DTD1: variants seen among roughly 807,000 people sequenced by gnomAD.
The protein encoded by DTD1 is D-aminoacyl-tRNA deacylase 1.
A neutral mutation model predicts 25.6 loss-of-function variants in DTD1; 13 were observed. The ratio of observed to expected loss-of-function variants is 0.51; its 90% CI spans 0.33 to 0.81. The LOEUF is 0.81. Ranked by LOEUF, DTD1 falls within the 30% of genes least tolerant of loss-of-function variation. The pLI is 0.02. For missense variants in DTD1, 193 were observed against 266.4 expected, an observed-to-expected ratio of 0.72 and a Z score of 1.92; for synonymous variants, 110 against 103.6, an observed-to-expected ratio of 1.06 and a Z score of -0.37.
chr20:18,634,079 A>G (rs2060798345), intron 4 of DTD1, among the ~76,000 whole-genome samples: 1 of 152,260 alleles, frequency 6.6e-6, no homozygotes, highest in Admixed American at 6.5e-5. Flanking sequence ...CATTTTTTGC[A>G]GGAGAACACG....
intron 4 of DTD1, among the ~76,000 whole-genome samples, chr20:18,713,661 G>T (rs1177874155): frequency 1.3e-5 from 2 of 152,084 alleles, no homozygotes; most frequent in Non-Finnish European, 2.9e-5. Flanking sequence ...GTTTTTTTCT[G>T]CATTGGTCTT....
chr20:18,669,833 G>A (rs1713143540), intron 4 of DTD1, among the ~76,000 whole-genome samples: 1 of 152,060 alleles, frequency 6.6e-6, no homozygotes, highest in Non-Finnish European at 1.5e-5. Flanking sequence ...TTTCTTGAAC[G>A]CTTTGATCAC....
In DTD1 at chr20:18,755,367, C is replaced by T. The variant is rs184535746; in HGVS notation, c.*20-7993C>T. On this transcript the variant is annotated intron_variant, in intron 5 of 5. Coordinates refer to ENST00000377452, the MANE Select transcript of DTD1 (RefSeq NM_080820.6). ...CATGTGCCATGTTGGTATGCTGCACCGTTAACTCGTCATTTAACATTAGGT... is the reference window on the plus strand; with the variant it reads ...CATGTGCCATGTTGGTATGCTGCACTGTTAACTCGTCATTTAACATTAGGT... 4.7e-3 allele frequency among the ~76,000 whole-genome samples: 708 copies of T among 152,220 alleles called. 4 individuals are homozygous for T. The highest frequency in any genetic ancestry group is 0.016 in the African/African-American group (656 of 41,522).
chr20:18,733,445 G>C (rs540382056), intron 4 of DTD1, among the ~76,000 whole-genome samples: 1 of 152,154 alleles, frequency 6.6e-6, no homozygotes, highest in African/African-American at 2.4e-5. Context: ...GTCTGTGGTG[G>C]GGAGCTGACA....
intron 4 of DTD1, among the ~76,000 whole-genome samples, chr20:18,636,698 A>G (rs573553146): frequency 1.2e-4 from 18 of 152,178 alleles, no homozygotes; most frequent in Admixed American, 4.6e-4. Flanking sequence ...CAAGTTTTGT[A>G]TGTGTGGATG....
intron 4 of DTD1, among the ~76,000 whole-genome samples, chr20:18,693,656 TA>T (rs11484391): frequency 0.068 from 9,777 of 143,638 alleles, 644 homozygotes; most frequent in African/African-American, 0.17. Context: ...GACTCCCATC[TA>T]AAAAAAAAAA....
Position 18,596,157 on chromosome 20 carries a change from G to C in DTD1, c.286G>C (p.Ala96Pro), listed in dbSNP as rs11545148. The C allele has an allele frequency of 1.2e-6, 2 of 1,614,168 alleles. No individual in the cohort carries two copies. Among genetic ancestry groups the C allele is most frequent in the East Asian group, 4.5e-5 (2 of 44,878 alleles). ...GGGAAACAAGCCTGATTTCCACCTAGCAATGCCCACGGAGCAGGCAGAGGG... is the reference window on the plus strand; with the variant it reads ...GGGAAACAAGCCTGATTTCCACCTACCAATGCCCACGGAGCAGGCAGAGGG... ...LKGNKPDFHL[A>P]MPTEQAEGFY... Residue 96 changes from alanine (A) to proline (P), a missense_variant, in exon 3 of 6, where the codon GCA becomes CCA. Physicochemically the swap from Ala to Pro is conservative, Grantham distance 27. Coordinates refer to ENST00000377452, the MANE Select transcript of DTD1 (RefSeq NM_080820.6).
At chr20:18,650,948 T>A (rs1600344401) in intron 4 of DTD1, among the ~76,000 whole-genome samples, 1 of 152,282 alleles carries the variant, frequency 6.6e-6, no homozygotes, top group South Asian at 2.1e-4. Context: ...AATATAAAAA[T>A]GTGTTACAAC....
chr20:18,595,567 G>A (rs1036697298), intron 2 of DTD1, among the ~76,000 whole-genome samples: 1 of 152,192 alleles, frequency 6.6e-6, no homozygotes, highest in Non-Finnish European at 1.5e-5. Flanking sequence ...ACCGTTCTCA[G>A]CCGAATTGTT....
intron 3 of DTD1, among the ~76,000 whole-genome samples, chr20:18,608,160 G>A (rs1241717424): frequency 6.6e-6 from 1 of 152,082 alleles, no homozygotes; most frequent in Non-Finnish European, 1.5e-5. Context: ...TGGATATAGA[G>A]TTGTTCGTGG....
chr20:18,602,570 G>A (rs1466841744), intron 3 of DTD1, among the ~76,000 whole-genome samples: 5 of 6,228 alleles, frequency 8.0e-4, no homozygotes, highest in African/African-American at 2.9e-3. Flanking sequence ...ACTAACAGCG[G>A]ATCTCTCGGC....
At chr20:18,736,524 G>A (rs917317450) in intron 4 of DTD1, among the ~76,000 whole-genome samples, 3 of 152,246 alleles carry the variant, frequency 2.0e-5, no homozygotes, top group African/African-American at 4.8e-5. Context: ...TGCTATGTGT[G>A]TGAAGGAACA....
In DTD1 at chr20:18,661,612, C is replaced by T. The variant is rs951584116; in HGVS notation, c.477+33379C>T. ...GGTTTTGATCTCCTGACCTCGTGAT[C>T]TGCCCGCCTTGGCCTCCCAAAGTGC... On this transcript the variant is annotated intron_variant, in intron 4 of 5. Coordinates refer to ENST00000377452, the MANE Select transcript of DTD1 (RefSeq NM_080820.6). Among the ~76,000 whole-genome samples, 30 of 152,262 alleles carry T rather than the reference C, an allele frequency of 2.0e-4. 1 individual carries two copies. The East Asian group carries it at 5.2e-3, about 27-fold the overall frequency.
intron 4 of DTD1, among the ~76,000 whole-genome samples, chr20:18,691,018 G>A (rs1189433193): frequency 6.6e-6 from 1 of 152,162 alleles, no homozygotes; most frequent in Non-Finnish European, 1.5e-5. Context: ...AAAAATGCTT[G>A]TTGTCACTAA....
At chr20:18,737,287 G>A (rs529195516) in intron 4 of DTD1, among the ~76,000 whole-genome samples, 22 of 152,094 alleles carry the variant, frequency 1.4e-4, no homozygotes, top group African/African-American at 4.1e-4. Flanking sequence ...GTAGACACTC[G>A]GGTGATGCCA....
chr20:18,700,748 T>C (rs940349772), intron 4 of DTD1, among the ~76,000 whole-genome samples: 5 of 151,972 alleles, frequency 3.3e-5, no homozygotes, highest in Non-Finnish European at 5.9e-5. Flanking sequence ...TGAGATTCGA[T>C]TGGAGGGTGT....
chr20:18,720,422 C>T (rs1032732311), intron 4 of DTD1, among the ~76,000 whole-genome samples: 70 of 152,128 alleles, frequency 4.6e-4, no homozygotes, highest in Non-Finnish European at 9.6e-4. Context: ...AGCTTTTGTC[C>T]CTGAATTACC....
At chr20:18,716,069 T>C (rs2061179420) in intron 4 of DTD1, among the ~76,000 whole-genome samples, 1 of 152,218 alleles carries the variant, frequency 6.6e-6, no homozygotes, top group Non-Finnish European at 1.5e-5. Flanking sequence ...TTCAAACTGC[T>C]TTTCAGGCAT....
intron 4 of DTD1, among the ~76,000 whole-genome samples, chr20:18,723,945 T>C (rs2122495736): frequency 6.6e-6 from 1 of 152,292 alleles, no homozygotes; most frequent in South Asian, 2.1e-4. Flanking sequence ...TGTTTTCCAT[T>C]TAGTTTTCTA....
Sources: gnomAD v4.1 joint callset for allele counts (sites outside exome capture counted in the v4.1 genomes callset) on GRCh38, gnomAD v4.1.1 for gene constraint, MANE v1.5 for transcripts, NCBI Gene and HGNC (gene_info 2026-07-23, HGNC 2026-07-21) for gene names.